The following DNM3 variants were observed in gnomAD, a reference collection of about 807,000 sequenced individuals.
The protein encoded by DNM3 is dynamin 3, also known as dynamin-3.
Under a neutral mutation model 101.6 loss-of-function variants are expected in DNM3, and 47 were observed. That is an observed-to-expected ratio of 0.46 (90% CI 0.37 to 0.59). The LOEUF is 0.59. Among genes scored for constraint, DNM3 ranks in the 20% least tolerant of loss-of-function variants. The probability of loss-of-function intolerance (pLI) is 0.00; values close to 1 mark genes in which losing one functional copy is unlikely to be tolerated. For missense variants in DNM3, 849 were observed against 1,085.7 expected (o/e 0.78, Z 3.06); for synonymous variants, 385 against 387.9 (o/e 0.99, Z 0.09).
At chr1:171,927,557 A>G (rs192985431) in intron 2 of DNM3, among the ~76,000 whole-genome samples, 1 of 152,370 alleles carries the variant, frequency 6.6e-6, no homozygotes, top group Non-Finnish European at 1.5e-5. Context: ...ATAAAGACAC[A>G]CATATGTGAA....
chr1:172,313,767 C>CATTTATTTATTTATTTATTT (rs58904855), intron 16 of DNM3, among the ~76,000 whole-genome samples: 1 of 151,202 alleles, frequency 6.6e-6, no homozygotes, highest in African/African-American at 2.4e-5. Context: ...TGTCTCATAG[C>CATTTATTTATTTATTTATTT]ATTTATTTAT....
chr1:171,847,155 T>TAAA (rs1050067002), intron 1 of DNM3, among the ~76,000 whole-genome samples: 2 of 152,158 alleles, frequency 1.3e-5, no homozygotes, highest in East Asian at 1.9e-4. Context: ...TATGTATGTA[T>TAAA]AAAAAGAGAA....
intron 1 of DNM3, among the ~76,000 whole-genome samples, chr1:171,891,418 C>A (rs1337786007): frequency 6.6e-6 from 1 of 150,528 alleles, no homozygotes; most frequent in African/African-American, 2.4e-5. Context: ...TTATTAATAT[C>A]TTACATTAGT....
chr1:172,050,042 A>G (rs2050097452), intron 10 of DNM3, among the ~76,000 whole-genome samples: 1 of 152,268 alleles, frequency 6.6e-6, no homozygotes, highest in Non-Finnish European at 1.5e-5. Context: ...TCTCTTCTCC[A>G]AAACAAGAAA....
chr1:172,083,816 C>T (rs12562275), intron 12 of DNM3, among the ~76,000 whole-genome samples: 5,596 of 151,960 alleles, frequency 0.037, 247 homozygotes, highest in East Asian at 0.14. Flanking sequence ...TTATAGGTTT[C>T]CAAGGGCAGG....
At chr1:171,891,946 A>G (rs564975603) in intron 1 of DNM3, among the ~76,000 whole-genome samples, 25 of 152,266 alleles carry the variant, frequency 1.6e-4, no homozygotes, top group African/African-American at 5.1e-4. Context: ...AGTGTATTGT[A>G]TTATCTACAT....
chr1:172,121,239 T>C (rs1034334103), intron 13 of DNM3, among the ~76,000 whole-genome samples: 3 of 152,182 alleles, frequency 2.0e-5, no homozygotes, highest in African/African-American at 4.8e-5. Context: ...AGCCCTGATT[T>C]TCATCATGGT....
downstream of DNM3, among the ~76,000 whole-genome samples, chr1:172,413,705 T>G (rs544050836): frequency 1.6e-4 from 25 of 152,164 alleles, no homozygotes; most frequent in African/African-American, 4.6e-4. Flanking sequence ...GACAAGAAGG[T>G]GATAGGAGGA....
chr1:172,269,359 T>C (rs2062993997), intron 15 of DNM3, among the ~76,000 whole-genome samples: 1 of 152,188 alleles, frequency 6.6e-6, no homozygotes, highest in Non-Finnish European at 1.5e-5. Context: ...ACACTGCAGC[T>C]TGGGACAGAA....
At position 172,288,121 on chromosome 1, in the gene DNM3, C is replaced by A. The variant is rs4619005; in HGVS notation, c.1770-20607C>A. On this transcript the variant is annotated intron_variant, in intron 15 of 20. Coordinates refer to ENST00000627582, the MANE Select transcript of DNM3 (RefSeq NM_015569.5). Reference sequence around the variant, plus strand: ...TTAGGTTCTAAGAGGAACATGTCCCCTATTCTCATGGAATTCACAGTATAG... The same window carrying A: ...TTAGGTTCTAAGAGGAACATGTCCCATATTCTCATGGAATTCACAGTATAG... 6.3e-3 allele frequency among the ~76,000 whole-genome samples: 953 copies of A among 152,290 alleles called. 11 individuals carry two copies. Among genetic ancestry groups the A allele is most frequent in the African/African-American group, 0.022 (916 of 41,564 alleles).
intron 4 of DNM3, among the ~76,000 whole-genome samples, chr1:172,030,807 A>G (rs1432471919): frequency 6.6e-6 from 1 of 152,224 alleles, no homozygotes; most frequent in East Asian, 1.9e-4. Context: ...AAAAAAGCTC[A>G]TCATCACTGG....
At chr1:172,161,798 T>A (rs931134620) in intron 14 of DNM3, among the ~76,000 whole-genome samples, 2 of 152,038 alleles carry the variant, frequency 1.3e-5, no homozygotes, top group Non-Finnish European at 2.9e-5. Flanking sequence ...AACAAACTAG[T>A]ATAAACTGCT....
intron 14 of DNM3, among the ~76,000 whole-genome samples, chr1:172,156,698 G>T (rs2058352288): frequency 6.6e-6 from 1 of 151,898 alleles, no homozygotes; most frequent in African/African-American, 2.4e-5. Flanking sequence ...GAAAGTGATT[G>T]TATACTATAA....
intron 1 of DNM3, among the ~76,000 whole-genome samples, chr1:171,891,557 C>T (rs958606094): frequency 3.9e-5 from 6 of 152,082 alleles, no homozygotes; most frequent in Non-Finnish European, 5.9e-5. Flanking sequence ...ATCCAGGATA[C>T]CACATTACAT....
intron 14 of DNM3, chr1:172,144,347 C>A (rs1321318569): frequency 5.1e-6 from 1 of 197,768 alleles, no homozygotes; most frequent in African/African-American, 2.4e-5. Context: ...ACCAGGTGAG[C>A]AGTCAAGAAG....
intron 14 of DNM3, among the ~76,000 whole-genome samples, chr1:172,200,949 T>A (rs2060131451): frequency 6.6e-6 from 1 of 152,176 alleles, no homozygotes; most frequent in African/African-American, 2.4e-5. Context: ...CTGGCCATTT[T>A]AGTTACCACA....
At chr1:172,222,969 A>G (rs904031675) in intron 14 of DNM3, among the ~76,000 whole-genome samples, 7 of 152,122 alleles carry the variant, frequency 4.6e-5, no homozygotes, top group Admixed American at 4.6e-4. Flanking sequence ...TAGTAGTTGT[A>G]TATACTATGG....
intron 1 of DNM3, among the ~76,000 whole-genome samples, chr1:171,889,816 C>T (rs940260422): frequency 3.9e-5 from 6 of 152,026 alleles, no homozygotes; most frequent in African/African-American, 1.2e-4. Flanking sequence ...TAGCAGAGAC[C>T]GACTGAACAG....
intron 10 of DNM3, among the ~76,000 whole-genome samples, chr1:172,054,096 A>G (rs758245365): frequency 6.6e-6 from 1 of 152,204 alleles, no homozygotes; most frequent in Non-Finnish European, 1.5e-5. Context: ...TTTCTGTTAT[A>G]GCATATATAC....
Sources: gnomAD v4.1 joint callset for allele counts (sites outside exome capture counted in the v4.1 genomes callset) on GRCh38, gnomAD v4.1.1 for gene constraint, MANE v1.5 for transcripts, NCBI Gene and HGNC (gene_info 2026-07-23, HGNC 2026-07-21) for gene names.